BCKDHB: variants seen among roughly 807,000 people sequenced by gnomAD.
BCKDHB encodes 2-oxoisovalerate dehydrogenase subunit beta, mitochondrial.
BCKDHB carries 41 observed loss-of-function variants against 48.5 expected under a neutral mutation model. The ratio of observed to expected loss-of-function variants is 0.85; its 90% CI spans 0.66 to 1.10. BCKDHB has a LOEUF of 1.10. Ranked by LOEUF, BCKDHB falls within the 50% of genes least tolerant of loss-of-function variation. The pLI, the probability that BCKDHB is intolerant of heterozygous loss-of-function variation, is 0.00. For synonymous variants in BCKDHB, 201 were observed against 174.8 expected, an observed-to-expected ratio of 1.15 and a Z score of -1.18; for missense variants, 496 against 494.2, an observed-to-expected ratio of 1.00 and a Z score of -0.03.
intron 9 of BCKDHB, among the ~76,000 whole-genome samples, chr6:80,295,786 G>A (rs1424929224): frequency 6.6e-6 from 1 of 151,510 alleles, no homozygotes; most frequent in Non-Finnish European, 1.5e-5. Context: ...ATCAGATCTT[G>A]TGAGACTTAT....
chr6:80,407,263 G>A, the BCKDHB span, among the ~76,000 whole-genome samples: 1 of 152,108 alleles, frequency 6.6e-6, no homozygotes, highest in Non-Finnish European at 1.5e-5. Flanking sequence ...CTGTAGCCTT[G>A]TAGCATAGTT....
downstream of BCKDHB, among the ~76,000 whole-genome samples, chr6:80,346,613 C>G (rs1770212013): frequency 1.3e-5 from 2 of 152,226 alleles, no homozygotes; most frequent in South Asian, 2.1e-4. Flanking sequence ...ACAAAACTGC[C>G]AAGTTTTAGC....
the BCKDHB span, among the ~76,000 whole-genome samples, chr6:80,463,373 T>A: frequency 6.6e-6 from 1 of 152,218 alleles, no homozygotes; most frequent in Non-Finnish European, 1.5e-5. Flanking sequence ...ATATTTTTCT[T>A]TGGCAATGAA....
In BCKDHB at chr6:80,257,497, T is replaced by C. The variant is rs577590873; in HGVS notation, c.952-15638T>C. ...AATGTAACAGTATAAGTATCTTGTT[T>C]GGGATAATACATATTATGTGTTAGG... is the stretch of plus-strand genomic sequence containing the variant. On this transcript the variant is annotated intron_variant, in intron 8 of 9. Transcript: ENST00000320393. Among the ~76,000 whole-genome samples, 14 of 151,426 alleles carry C rather than the reference T, an allele frequency of 9.2e-5. No individual in the cohort carries two copies. In the South Asian group the frequency reaches 2.9e-3, roughly 32 times the overall value.
At chr6:80,397,890 A>G in the BCKDHB span, among the ~76,000 whole-genome samples, 1 of 152,138 alleles carries the variant, frequency 6.6e-6, no homozygotes, top group Non-Finnish European at 1.5e-5. Context: ...AAACAAACCA[A>G]CAAACCAACA....
intron 6 of BCKDHB, among the ~76,000 whole-genome samples, chr6:80,180,642 T>C (rs1773368492): frequency 6.6e-6 from 1 of 152,108 alleles, no homozygotes; most frequent in Non-Finnish European, 1.5e-5. Context: ...TACGTAAAAA[T>C]AGGACATAAT....
chr6:80,215,917 A>G (rs1775151401), intron 8 of BCKDHB, among the ~76,000 whole-genome samples: 1 of 151,836 alleles, frequency 6.6e-6, no homozygotes, highest in African/African-American at 2.4e-5. Flanking sequence ...AATTTTTTGT[A>G]TTTTAGTACA....
At chr6:80,203,274 A>G (rs61698752) in intron 8 of BCKDHB, 62 bp downstream of exon 8, 2 of 1,149,810 alleles carry the variant, frequency 1.7e-6, no homozygotes, top group East Asian at 4.7e-5. Context: ...TATGTTGTAT[A>G]TTTGCAAATA....
chr6:80,325,580 A>G (rs939555204), intron 9 of BCKDHB, among the ~76,000 whole-genome samples: 6 of 152,230 alleles, frequency 3.9e-5, no homozygotes, highest in East Asian at 1.9e-4. Context: ...TTTGTATACA[A>G]TGTAAATGAC....
In BCKDHB at chr6:80,293,584, T is replaced by C. The variant is rs1054087211; in HGVS notation, c.1038+20363T>C. On this transcript the variant is annotated intron_variant, in intron 9 of 9. Transcript: ENST00000320393. ...GTCTCTGACATGCCCTGGAGACATT[T>C]TCCCATTGTCTTGGTGGTTAACATT... Among the ~76,000 whole-genome samples the C allele has an allele frequency of 4.1e-4, 62 of 152,192 alleles. 1 individual carries two copies. Among genetic ancestry groups the C allele is most frequent in the Non-Finnish European group, 1.5e-4 (10 of 68,030 alleles).
chr6:80,245,845 G>T (rs1214019559), intron 8 of BCKDHB, among the ~76,000 whole-genome samples: 1 of 152,196 alleles, frequency 6.6e-6, no homozygotes, highest in Non-Finnish European at 1.5e-5. Flanking sequence ...GGAGGCCGAG[G>T]CAGGTGGATC....
At chr6:80,395,229 G>A in the BCKDHB span, among the ~76,000 whole-genome samples, 1 of 152,192 alleles carries the variant, frequency 6.6e-6, no homozygotes, top group Non-Finnish European at 1.5e-5. Flanking sequence ...AGCTTGGAGG[G>A]CTCAGAAGAA....
the BCKDHB span, among the ~76,000 whole-genome samples, chr6:80,466,272 A>G: frequency 2.6e-5 from 4 of 152,148 alleles, no homozygotes; most frequent in Non-Finnish European, 5.9e-5. Context: ...TTTATGTTAC[A>G]CTTTCTATTT....
intron 8 of BCKDHB, among the ~76,000 whole-genome samples, chr6:80,207,548 C>A (rs867319924): frequency 6.6e-6 from 1 of 151,510 alleles, no homozygotes; most frequent in African/African-American, 2.4e-5. Context: ...AAATTAAATA[C>A]AAAAAGATTA....
intron 8 of BCKDHB, among the ~76,000 whole-genome samples, chr6:80,242,421 T>C (rs1324633135): frequency 6.6e-6 from 1 of 152,180 alleles, no homozygotes; most frequent in African/African-American, 2.4e-5. Flanking sequence ...GAATATCTGA[T>C]AGGGCAAATC....
At chr6:80,435,385 T>C in the BCKDHB span, among the ~76,000 whole-genome samples, 2 of 152,206 alleles carry the variant, frequency 1.3e-5, no homozygotes, top group Non-Finnish European at 2.9e-5. Flanking sequence ...GACCAAATCA[T>C]AGCTCTATCT....
chr6:80,403,919 G>T, the BCKDHB span, among the ~76,000 whole-genome samples: 1 of 151,912 alleles, frequency 6.6e-6, no homozygotes, highest in African/African-American at 2.4e-5. Flanking sequence ...GCATCTGGGG[G>T]ATAAATGCCA....
intron 9 of BCKDHB, among the ~76,000 whole-genome samples, chr6:80,307,303 A>G (rs1767929404): frequency 6.6e-6 from 1 of 152,234 alleles, no homozygotes; most frequent in Non-Finnish European, 1.5e-5. Context: ...ATAGGGTTCC[A>G]TGAGCTAACA....
intron 9 of BCKDHB, among the ~76,000 whole-genome samples, chr6:80,301,190 A>T (rs528224730): frequency 1.3e-5 from 2 of 152,298 alleles, no homozygotes; most frequent in Admixed American, 1.3e-4. Context: ...AACAAAAATT[A>T]GAGAACTTAA....
Sources: gnomAD v4.1 joint callset for allele counts (sites outside exome capture counted in the v4.1 genomes callset) on GRCh38, gnomAD v4.1.1 for gene constraint, MANE v1.5 for transcripts, NCBI Gene and HGNC (gene_info 2026-07-23, HGNC 2026-07-21) for gene names.